The following SRD5A1 variants were observed in gnomAD, a reference collection of about 807,000 sequenced individuals.
SRD5A1 encodes 3-oxo-5-alpha-steroid 4-dehydrogenase 1.
SRD5A1 carries 22 observed loss-of-function variants against 28.2 expected under a neutral mutation model. That is an observed-to-expected ratio of 0.78 (90% CI 0.56 to 1.12). SRD5A1 has a LOEUF of 1.12. Ranked by LOEUF, SRD5A1 falls within the 50% of genes most tolerant of loss-of-function variation. The pLI is 0.00. For missense variants in SRD5A1, 300 were observed against 346.7 expected (o/e 0.87, Z 1.07); for synonymous variants, 151 against 135.0 (o/e 1.12, Z -0.82).
At chr5:6,645,814 T>C (rs1312550348) in intron 1 of SRD5A1, among the ~76,000 whole-genome samples, 1 of 152,180 alleles carries the variant, frequency 6.6e-6, no homozygotes, top group Non-Finnish European at 1.5e-5. Flanking sequence ...ATTTCGTAAG[T>C]CTAAATTCAG....
At chr5:6,641,728 G>A (rs1386918288) in intron 1 of SRD5A1, among the ~76,000 whole-genome samples, 1 of 152,206 alleles carries the variant, frequency 6.6e-6, no homozygotes, top group Non-Finnish European at 1.5e-5. Context: ...AAAAAAGAGG[G>A]ACAAATCTTA....
At chr5:6,641,203 ACT>A (rs1229829319) in intron 1 of SRD5A1, among the ~76,000 whole-genome samples, 1 of 151,996 alleles carries the variant, frequency 6.6e-6, no homozygotes, top group Non-Finnish European at 1.5e-5. Context: ...GGTCCGCTGC[ACT>A]CTCTCAAGTG....
intron 1 of SRD5A1, 56 bp from the exon 2 acceptor site, chr5:6,651,786 C>T (rs556749743): frequency 1.3e-6 from 2 of 1,496,854 alleles, no homozygotes; most frequent in Non-Finnish European, 1.8e-6. Context: ...GATAGGATTA[C>T]AGAAATGATT....
intron 3 of SRD5A1, among the ~76,000 whole-genome samples, chr5:6,659,077 A>C (rs900697361): frequency 1.2e-4 from 18 of 149,902 alleles, no homozygotes; most frequent in Middle Eastern, 3.4e-3. Flanking sequence ...CGATCATACC[A>C]CTGCACTCCA....
At chr5:6,651,119 A>G (rs1158539279) in intron 1 of SRD5A1, among the ~76,000 whole-genome samples, 1 of 152,100 alleles carries the variant, frequency 6.6e-6, no homozygotes, top group Non-Finnish European at 1.5e-5. Context: ...TGGGGCTAGC[A>G]GGTGAAAGTG....
chr5:6,669,071 C>T lies in SRD5A1; in HGVS notation c.*803C>T, dbSNP rs1203884977. 6.6e-6 allele frequency: 1 copy of T among 152,160 alleles called. No individual in the cohort carries two copies. Among genetic ancestry groups the T allele is most frequent in the African/African-American group, 2.4e-5 (1 of 41,422 alleles). 9.4% of individuals were successfully genotyped at this position (152,160 alleles called of 1,614,324 possible). A position where few individuals can be genotyped will look rare whatever the true frequency, so the allele number is the denominator to read the frequency against. ...TTTCTCTCTGTCTTCTAGTCTAGAC[C>T]TAGTTTTTTTGTTCTGTTCCCCACG... On this transcript the variant is annotated 3_prime_UTR_variant, in exon 5 of 5. Transcript: ENST00000274192.
At position 6,669,408 on chromosome 5, in the gene SRD5A1, A is replaced by T. The variant is rs1333480123; in HGVS notation, c.*1140A>T. 6.6e-6 allele frequency: 1 copy of T among 152,186 alleles called. No individual in the cohort carries two copies. Among genetic ancestry groups the T allele is most frequent in the African/African-American group, 2.4e-5 (1 of 41,438 alleles). 9.4% of individuals were successfully genotyped at this position (152,186 alleles called of 1,614,324 possible). ...TAATCTTCCTGTTGAATGCTTCATGACTTGAATTCTACTTTGATAAAAACA... is the reference window on the plus strand; with the variant it reads ...TAATCTTCCTGTTGAATGCTTCATGTCTTGAATTCTACTTTGATAAAAACA... On this transcript the variant is annotated 3_prime_UTR_variant, in exon 5 of 5. Transcript: ENST00000274192.
chr5:6,633,454 C>G lies in SRD5A1; in HGVS notation c.-123C>G, dbSNP rs1048908651. 2 of 1,151,738 alleles carry G rather than the reference C, an allele frequency of 1.7e-6. No individual in the cohort carries two copies. Among genetic ancestry groups the G allele is most frequent in the Admixed American group, 3.8e-5 (1 of 26,314 alleles). The allele number at this position is 1,151,738 out of a possible 1,614,324, so 71.3% of individuals were successfully genotyped here. ...GACTTGAGAACCCTTTCTGCAGAGTCCCGGCAGTGCGGGACTCCGGTAGCC... is the reference window on the plus strand; with the variant it reads ...GACTTGAGAACCCTTTCTGCAGAGTGCCGGCAGTGCGGGACTCCGGTAGCC... On this transcript the variant is annotated 5_prime_UTR_variant, in exon 1 of 5. Coordinates refer to ENST00000274192, the MANE Select transcript of SRD5A1 (RefSeq NM_001047.4).
intron 1 of SRD5A1, among the ~76,000 whole-genome samples, chr5:6,648,360 T>A (rs144414655): frequency 0.017 from 2,636 of 152,356 alleles, 35 homozygotes; most frequent in Non-Finnish European, 0.027. Flanking sequence ...CTGGATAATA[T>A]CCTGAAGAGT....
chr5:6,656,240 A>G (rs911189266), intron 3 of SRD5A1, 61 bp downstream of exon 3: 3 of 1,349,086 alleles, frequency 2.2e-6, no homozygotes, highest in Admixed American at 3.6e-5. Context: ...TGGCTATTTT[A>G]GTGTTGCCAG....
At chr5:6,665,576 G>C (rs1739146257) in intron 4 of SRD5A1, among the ~76,000 whole-genome samples, 1 of 152,112 alleles carries the variant, frequency 6.6e-6, no homozygotes, top group African/African-American at 2.4e-5. Context: ...ACTGCACCTG[G>C]CCTGGGCCTC....
intron 1 of SRD5A1, 94 bp downstream of exon 1, chr5:6,633,963 TC>T: frequency 2.2e-6 from 3 of 1,375,170 alleles, no homozygotes; most frequent in Non-Finnish European, 3.0e-6. Context: ...CCCCGAAGCC[TC>T]CCCCACCCAG....
chr5:6,652,537 G>T (rs1269516697), intron 2 of SRD5A1, among the ~76,000 whole-genome samples: 1 of 151,984 alleles, frequency 6.6e-6, no homozygotes, highest in Non-Finnish European at 1.5e-5. Context: ...AAGCAAAAAT[G>T]AAAATAAAAC....
chr5:6,665,386 C>T (rs533102530), intron 4 of SRD5A1, among the ~76,000 whole-genome samples: 2 of 152,350 alleles, frequency 1.3e-5, no homozygotes, highest in African/African-American at 4.8e-5. Flanking sequence ...GATACGCCAG[C>T]CTTCCAGCCA....
At chr5:6,654,060 TA>T (rs1397130934) in intron 2 of SRD5A1, among the ~76,000 whole-genome samples, 7 of 141,852 alleles carry the variant, frequency 4.9e-5, no homozygotes, top group South Asian at 2.3e-4. Flanking sequence ...AATAATAATA[TA>T]TTTTTTTTTT....
At chr5:6,648,828 TGGA>T (rs1738583695) in intron 1 of SRD5A1, among the ~76,000 whole-genome samples, 1 of 152,234 alleles carries the variant, frequency 6.6e-6, no homozygotes, top group Non-Finnish European at 1.5e-5. Flanking sequence ...TGTGATCCTT[TGGA>T]GGAGAAGAGG....
At chr5:6,654,350 C>T (rs1242698634) in intron 2 of SRD5A1, among the ~76,000 whole-genome samples, 1 of 152,072 alleles carries the variant, frequency 6.6e-6, no homozygotes, top group Admixed American at 6.6e-5. Context: ...AGCCACCATG[C>T]CCAGCAAATT....
At chr5:6,633,938 T>C (rs1369406492) in intron 1 of SRD5A1, 69 bp downstream of exon 1, 10 of 1,519,240 alleles carry the variant, frequency 6.6e-6, no homozygotes, top group Non-Finnish European at 9.0e-6. Context: ...CTCCCCTCAC[T>C]GCCCGGTGCC....
chr5:6,633,466 G>C lies in SRD5A1; in HGVS notation c.-111G>C. The C allele has an allele frequency of 1.6e-6, 2 of 1,241,004 alleles. No individual in the cohort carries two copies. The highest frequency in any genetic ancestry group is 2.1e-6 in the Non-Finnish European group (2 of 947,626). The allele number at this position is 1,241,004 out of a possible 1,614,324, so 76.9% of individuals were successfully genotyped here. On this transcript the variant is annotated 5_prime_UTR_variant, in exon 1 of 5. Coordinates refer to ENST00000274192, the MANE Select transcript of SRD5A1 (RefSeq NM_001047.4). ...CTTTCTGCAGAGTCCCGGCAGTGCGGGACTCCGGTAGCCGCCCCTCCGGTA... is the reference window on the plus strand; with the variant it reads ...CTTTCTGCAGAGTCCCGGCAGTGCGCGACTCCGGTAGCCGCCCCTCCGGTA...
Sources: allele counts gnomAD v4.1 joint callset (sites outside exome capture counted in the v4.1 genomes callset), GRCh38; gene constraint gnomAD v4.1.1; transcripts MANE v1.5; gene names NCBI Gene and HGNC (gene_info 2026-07-23, HGNC 2026-07-21).